MOB3B: variants seen among roughly 807,000 people sequenced by gnomAD.
MOB3B encodes the protein MOB kinase activator-like 2B.
In MOB3B, 7 loss-of-function variants were observed where a neutral mutation model predicts 18.7. The ratio of observed to expected loss-of-function variants is 0.37; its 90% CI spans 0.21 to 0.70. The LOEUF is 0.70. Among genes scored for constraint, MOB3B ranks in the 30% least tolerant of loss-of-function variants. The pLI, the probability that MOB3B is intolerant of heterozygous loss-of-function variation, is 0.52. For missense variants in MOB3B, 253 were observed against 281.3 expected (o/e 0.90, Z 0.72); for synonymous variants, 111 against 99.9 (o/e 1.11, Z -0.66).
At chr9:27,395,332 T>A (rs910594227) in intron 2 of MOB3B, among the ~76,000 whole-genome samples, 1 of 152,194 alleles carries the variant, frequency 6.6e-6, no homozygotes. Flanking sequence ...ATGATATGAG[T>A]TGATTCGTGT....
Position 27,454,604 on chromosome 9 carries a change from G to A in MOB3B, c.418+529C>T, listed in dbSNP as rs1822840965. 2.0e-5 allele frequency among the ~76,000 whole-genome samples: 3 copies of A among 152,148 alleles called. No individual in the cohort carries two copies. In the South Asian group the frequency reaches 6.2e-4, roughly 32 times the overall value. On this transcript the variant is annotated intron_variant, in intron 2 of 3. Coordinates refer to ENST00000262244, the MANE Select transcript of MOB3B (RefSeq NM_024761.5). ...CCAGTGTATCCAGAAGATACGCAAG[G>A]GTTAAAGTAAACAGCACAGCCTGGA...
At chr9:27,352,422 T>C (rs78071231) in intron 3 of MOB3B, among the ~76,000 whole-genome samples, 3 of 150,600 alleles carry the variant, frequency 2.0e-5, no homozygotes, top group Middle Eastern at 3.4e-3. Flanking sequence ...AAATAATATA[T>C]GTCAAGAGGA....
In MOB3B at chr9:27,377,866, G is replaced by A. The variant is rs527631373; in HGVS notation, c.419-18630C>T. On this transcript the variant is annotated intron_variant, in intron 2 of 3. Transcript: ENST00000262244. Reference sequence around the variant, plus strand: ...ACTTTACAGAAGTGTGGATAGTGACGTTCATTTGAACCCTAGGTCCCCCAC... The same window carrying A: ...ACTTTACAGAAGTGTGGATAGTGACATTCATTTGAACCCTAGGTCCCCCAC... Among the ~76,000 whole-genome samples, 7 of 152,342 alleles carry A rather than the reference G, an allele frequency of 4.6e-5. 1 individual carries two copies. In the South Asian group the frequency reaches 1.2e-3, roughly 27 times the overall value.
intron 3 of MOB3B, among the ~76,000 whole-genome samples, chr9:27,336,357 AT>A (rs1234757203): frequency 2.0e-5 from 3 of 152,210 alleles, no homozygotes; most frequent in African/African-American, 7.2e-5. Context: ...CCACAGCAGC[AT>A]TTCAAAACCC....
chr9:27,398,335 A>G (rs1160225992), intron 2 of MOB3B, among the ~76,000 whole-genome samples: 1 of 152,222 alleles, frequency 6.6e-6, no homozygotes, highest in African/African-American at 2.4e-5. Flanking sequence ...CAGAGCAAGA[A>G]CTAACCAATG....
At chr9:27,352,357 G>C (rs1385785142) in intron 3 of MOB3B, among the ~76,000 whole-genome samples, 1 of 141,932 alleles carries the variant, frequency 7.0e-6, no homozygotes, top group African/African-American at 2.7e-5. Flanking sequence ...GGGTGACAGA[G>C]TGAGACCCTG....
chr9:27,493,379 A>G (rs59650877), intron 1 of MOB3B, among the ~76,000 whole-genome samples: 4,860 of 152,250 alleles, frequency 0.032, 105 homozygotes, highest in Middle Eastern at 0.065. Flanking sequence ...GGTGGCTCAC[A>G]CCTGTAATCC....
At chr9:27,442,192 G>A (rs1047301684) in intron 2 of MOB3B, among the ~76,000 whole-genome samples, 1 of 152,074 alleles carries the variant, frequency 6.6e-6, no homozygotes, top group Non-Finnish European at 1.5e-5. Flanking sequence ...ATTGTTAGCT[G>A]TTGCTAGATA....
At chr9:27,387,934 A>G (rs960499605) in intron 2 of MOB3B, among the ~76,000 whole-genome samples, 1 of 151,920 alleles carries the variant, frequency 6.6e-6, no homozygotes, top group Admixed American at 6.6e-5. Context: ...TCAACTAGAA[A>G]TGATTTTGCC....
At chr9:27,411,213 C>A (rs1426079800) in intron 2 of MOB3B, among the ~76,000 whole-genome samples, 2 of 152,198 alleles carry the variant, frequency 1.3e-5, no homozygotes. Context: ...AGGGAAAAGG[C>A]ACATCGTTTT....
At chr9:27,357,156 T>A (rs1401006288) in intron 3 of MOB3B, among the ~76,000 whole-genome samples, 78 of 78,468 alleles carry the variant, frequency 9.9e-4, no homozygotes, top group East Asian at 2.3e-3. Flanking sequence ...GTGTTTTTTT[T>A]TTTGCCATAT....
At chr9:27,341,748 A>G (rs991571790) in intron 3 of MOB3B, among the ~76,000 whole-genome samples, 2 of 152,146 alleles carry the variant, frequency 1.3e-5, no homozygotes, top group Non-Finnish European at 2.9e-5. Flanking sequence ...TCCCCTAGAG[A>G]GGAACTGAAA....
At chr9:27,365,285 G>A (rs951363275) in intron 2 of MOB3B, among the ~76,000 whole-genome samples, 10 of 151,484 alleles carry the variant, frequency 6.6e-5, no homozygotes, top group Non-Finnish European at 1.2e-4. Flanking sequence ...TTGCAATGAG[G>A]AACACTGTGA....
intron 1 of MOB3B, among the ~76,000 whole-genome samples, chr9:27,527,148 C>A (rs1195539267): frequency 1.3e-5 from 2 of 152,180 alleles, no homozygotes; most frequent in African/African-American, 4.8e-5. Context: ...ACAAGCTTAA[C>A]TTCCACTATA....
At chr9:27,519,981 G>A (rs1279977237) in intron 1 of MOB3B, among the ~76,000 whole-genome samples, 3 of 152,058 alleles carry the variant, frequency 2.0e-5, no homozygotes, top group Non-Finnish European at 4.4e-5. Context: ...GCTAGGCCTG[G>A]ACACAAGGCT....
intron 1 of MOB3B, among the ~76,000 whole-genome samples, chr9:27,507,030 T>C (rs1289031836): frequency 6.6e-6 from 1 of 152,144 alleles, no homozygotes; most frequent in Non-Finnish European, 1.5e-5. Context: ...TGCTGCTTTA[T>C]AGACAAACAA....
intron 2 of MOB3B, among the ~76,000 whole-genome samples, chr9:27,380,758 T>C (rs1196822034): frequency 6.8e-6 from 1 of 147,714 alleles, no homozygotes; most frequent in Non-Finnish European, 1.5e-5. Context: ...TATTTCAGGA[T>C]CCATCCCCCA....
chr9:27,474,561 G>A (rs774954730), intron 1 of MOB3B, among the ~76,000 whole-genome samples: 9 of 152,192 alleles, frequency 5.9e-5, no homozygotes, highest in Non-Finnish European at 1.2e-4. Flanking sequence ...CATGATGCAT[G>A]TGCCTGCTGA....
At chr9:27,400,356 G>A (rs1173414428) in intron 2 of MOB3B, among the ~76,000 whole-genome samples, 2 of 152,042 alleles carry the variant, frequency 1.3e-5, no homozygotes, top group African/African-American at 4.8e-5. Flanking sequence ...CCCCATTGCG[G>A]TGACCTCCTC....
Sources: allele counts gnomAD v4.1 joint callset (sites outside exome capture counted in the v4.1 genomes callset), GRCh38; gene constraint gnomAD v4.1.1; transcripts MANE v1.5; gene names NCBI Gene and HGNC (gene_info 2026-07-23, HGNC 2026-07-21).